NEIL3: variants seen among roughly 807,000 people sequenced by gnomAD.
NEIL3 encodes the protein nei like DNA glycosylase 3.
Under a neutral mutation model 57.5 loss-of-function variants are expected in NEIL3, and 48 were observed. That is an observed-to-expected ratio of 0.83 (90% CI 0.66 to 1.06). The LOEUF is 1.06. Ranked by LOEUF, NEIL3 falls within the 50% of genes least tolerant of loss-of-function variation. NEIL3 has a pLI of 0.00. For synonymous variants in NEIL3, 261 were observed against 253.2 expected, an observed-to-expected ratio of 1.03 and a Z score of -0.29; for missense variants, 717 against 739.1, an observed-to-expected ratio of 0.97 and a Z score of 0.35.
downstream of NEIL3, among the ~76,000 whole-genome samples, chr4:177,367,925 T>G (rs532455004): frequency 5.9e-5 from 9 of 152,296 alleles, no homozygotes; most frequent in East Asian, 5.8e-4. Context: ...TGTTGTGGTG[T>G]TGTCGCTATT....
At chr4:177,365,665 C>T (rs973868946), downstream of NEIL3, among the ~76,000 whole-genome samples, 4 of 152,024 alleles carry the variant, frequency 2.6e-5, no homozygotes, top group Non-Finnish European at 4.4e-5. Context: ...GTACAGCTCA[C>T]GTTTATTTTA....
rs35864248 is a variant in NEIL3, at chr4:177,339,126, CT to C, written c.628-656del. ...AACACAGGAATTGGGGTGCTAACCCCTCCCATTGAAAATCTATATACAATTT... is the reference window on the plus strand; with the variant it reads ...AACACAGGAATTGGGGTGCTAACCCCCCCATTGAAAATCTATATACAATTT... On this transcript the variant is annotated intron_variant, in intron 4 of 9. Transcript: ENST00000264596. Among the ~76,000 whole-genome samples, 1,373 of 152,282 alleles carry C rather than the reference CT, an allele frequency of 9.0e-3. 23 individuals are homozygous for C. The highest frequency in any genetic ancestry group is 0.031 in the African/African-American group (1,304 of 41,534).
At chr4:177,311,899 A>G (rs1414416573) in intron 1 of NEIL3, among the ~76,000 whole-genome samples, 1 of 152,126 alleles carries the variant, frequency 6.6e-6, no homozygotes, top group Non-Finnish European at 1.5e-5. Context: ...TGGATATGAC[A>G]TGAATATACT....
chr4:177,339,921 C>T, intron 5 of NEIL3, 64 bp downstream of exon 5: 1 of 1,094,412 alleles, frequency 9.1e-7, no homozygotes, highest in Non-Finnish European at 1.4e-6. Context: ...TTGGAGTGCA[C>T]CAAAAAATGT....
At chr4:177,314,985 C>T (rs1257278285) in intron 1 of NEIL3, among the ~76,000 whole-genome samples, 12 of 148,490 alleles carry the variant, frequency 8.1e-5, no homozygotes, top group African/African-American at 2.7e-4. Context: ...AGGAGAATGG[C>T]GTGAACCCAG....
At chr4:177,311,674 C>CAAA (rs763838033) in intron 1 of NEIL3, among the ~76,000 whole-genome samples, 4 of 58,586 alleles carry the variant, frequency 6.8e-5, no homozygotes, top group Non-Finnish European at 7.9e-5. Context: ...AACTCTGTCT[C>CAAA]AAAAAAAAAA....
Position 177,322,581 on chromosome 4 carries a change from G to A in NEIL3, c.278+1G>A, listed in dbSNP as rs759128697. The A allele has an allele frequency of 3.7e-6, 6 of 1,613,678 alleles. No homozygotes were observed. Among genetic ancestry groups the A allele is most frequent in the South Asian group, 1.1e-5 (1 of 91,066 alleles). ...TGTACTTTGGACCAAAAGCTTTACG[G>A]TAAGATAAGCCTGTACGATACATCT... On this transcript the variant is annotated splice_donor_variant, in intron 2 of 9. Transcript: ENST00000264596. LOFTEE classifies it high-confidence loss of function.
intron 4 of NEIL3, among the ~76,000 whole-genome samples, chr4:177,338,024 T>TCACACA (rs35763650): frequency 0.093 from 13,908 of 149,394 alleles, 649 homozygotes; most frequent in Non-Finnish European, 0.1. Context: ...TCTCTCTCTC[T>TCACACA]CACACACACA....
At chr4:177,310,370 C>G (rs1393724910) in intron 1 of NEIL3, among the ~76,000 whole-genome samples, 1 of 152,170 alleles carries the variant, frequency 6.6e-6, no homozygotes, top group Non-Finnish European at 1.5e-5. Flanking sequence ...GTGTTTTATC[C>G]GAGTCACCTT....
chr4:177,320,463 TG>T (rs1560908375), intron 1 of NEIL3, among the ~76,000 whole-genome samples: 26 of 108,084 alleles, frequency 2.4e-4, no homozygotes, highest in Non-Finnish European at 3.6e-4. Context: ...AAGTGACTGC[TG>T]TCTTTTTTTT....
At chr4:177,319,006 G>A (rs548524901) in intron 1 of NEIL3, among the ~76,000 whole-genome samples, 1 of 152,258 alleles carries the variant, frequency 6.6e-6, no homozygotes, top group Admixed American at 6.5e-5. Context: ...GATGTCACGT[G>A]CCACTTTTGT....
intron 6 of NEIL3, among the ~76,000 whole-genome samples, chr4:177,347,492 G>T (rs1320437996): frequency 6.6e-6 from 1 of 152,154 alleles, no homozygotes; most frequent in East Asian, 1.9e-4. Context: ...CTTTTGAGCT[G>T]GGAAGCCACT....
At chr4:177,369,841 A>G in the NEIL3 span, among the ~76,000 whole-genome samples, 1 of 152,200 alleles carries the variant, frequency 6.6e-6, no homozygotes, top group Non-Finnish European at 1.5e-5. Context: ...TCTTGTGAGG[A>G]TAAAATAAAA....
chr4:177,319,610 G>A (rs1309449817), intron 1 of NEIL3, among the ~76,000 whole-genome samples: 1 of 151,950 alleles, frequency 6.6e-6, no homozygotes, highest in Non-Finnish European at 1.5e-5. Flanking sequence ...ACGCCCCTCT[G>A]TCCCTCCCCG....
chr4:177,353,481 A>G lies in NEIL3; in HGVS notation c.1213A>G (p.Lys405Glu), dbSNP rs1560920990. 2 of 1,613,880 alleles carry G rather than the reference A, an allele frequency of 1.2e-6. No homozygotes were observed. Among genetic ancestry groups the G allele is most frequent in the African/African-American group, 2.7e-5 (2 of 74,888 alleles). ...FSNKSSTLER[K>E]TKQNQILDEE... ...CAATAAATCCAGTACTTTGGAAAGA[A>G]AAACAAAGCAAAACCAGATACTAGA... Residue 405 changes from lysine (K) to glutamate (E), a missense_variant, in exon 8 of 10, where the codon AAA becomes GAA. By Grantham distance (56) the Lys-to-Glu change is moderately conservative. Transcript: ENST00000264596.
At chr4:177,339,724 A>G in intron 4 of NEIL3, 59 bp from the exon 5 acceptor site, 1 of 1,132,104 alleles carries the variant, frequency 8.8e-7, no homozygotes, top group Non-Finnish European at 1.3e-6. Flanking sequence ...AAGGCGTATT[A>G]TTTCTTACAG....
chr4:177,359,847 A>AT (rs1408210658), intron 8 of NEIL3, among the ~76,000 whole-genome samples: 2 of 152,204 alleles, frequency 1.3e-5, no homozygotes, highest in African/African-American at 4.8e-5. Flanking sequence ...TATGAGGGCA[A>AT]CCTCCAAATA....
intron 8 of NEIL3, among the ~76,000 whole-genome samples, chr4:177,354,784 G>T (rs907258306): frequency 2.6e-5 from 4 of 152,102 alleles, no homozygotes; most frequent in African/African-American, 9.7e-5. Context: ...GCCTGGCGTT[G>T]TTCTTTAACT....
At chr4:177,336,342 T>A (rs775375636) in intron 4 of NEIL3, 21 bp downstream of exon 4, 59 of 1,599,702 alleles carry the variant, frequency 3.7e-5, no homozygotes, top group Non-Finnish European at 4.5e-5. Context: ...AGTATTTTTT[T>A]AATTATCTGT....
Sources: gnomAD v4.1 joint callset for allele counts (sites outside exome capture counted in the v4.1 genomes callset) on GRCh38, gnomAD v4.1.1 for gene constraint, MANE v1.5 for transcripts, NCBI Gene and HGNC (gene_info 2026-07-23, HGNC 2026-07-21) for gene names.